The following ZBTB20 variants were observed in gnomAD, a reference collection of about 807,000 sequenced individuals.
ZBTB20 encodes zinc finger and BTB domain-containing protein 20.
ZBTB20 carries 9 observed loss-of-function variants against 56.9 expected under a neutral mutation model. The ratio of observed to expected loss-of-function variants is 0.16; its 90% CI spans 0.10 to 0.28. ZBTB20 has a LOEUF of 0.28. Among genes scored for constraint, ZBTB20 ranks in the 10% least tolerant of loss-of-function variants. ZBTB20 has a pLI of 1.00. For synonymous variants in ZBTB20, 417 were observed against 420.7 expected, an observed-to-expected ratio of 0.99 and a Z score of 0.11; for missense variants, 655 against 1,003.0, an observed-to-expected ratio of 0.65 and a Z score of 4.69.
intron 6 of ZBTB20, among the ~76,000 whole-genome samples, chr3:114,560,637 A>G (rs1023728688): frequency 1.3e-5 from 2 of 152,116 alleles, no homozygotes; most frequent in Non-Finnish European, 2.9e-5. Flanking sequence ...CTTAATTAAA[A>G]ATACTTTATT....
chr3:115,047,075 T>A (rs1400779359), intron 2 of ZBTB20, among the ~76,000 whole-genome samples: 1 of 152,220 alleles, frequency 6.6e-6, no homozygotes, highest in East Asian at 1.9e-4. Flanking sequence ...ATTTTATCAA[T>A]ACTTTCTTCT....
chr3:115,101,633 A>C (rs1348176066), intron 1 of ZBTB20, among the ~76,000 whole-genome samples: 2 of 152,306 alleles, frequency 1.3e-5, no homozygotes, highest in African/African-American at 4.8e-5. Context: ...CAGTTTGGCT[A>C]TGTGTCATTT....
At chr3:114,662,149 A>G (rs1406813862) in intron 6 of ZBTB20, among the ~76,000 whole-genome samples, 3 of 148,850 alleles carry the variant, frequency 2.0e-5, no homozygotes, top group Admixed American at 1.4e-4. Context: ...GTGAGAATAT[A>G]CGGTGTTTGG....
intron 4 of ZBTB20, among the ~76,000 whole-genome samples, chr3:114,868,007 G>A (rs2075836893): frequency 1.3e-5 from 2 of 152,042 alleles, no homozygotes; most frequent in Non-Finnish European, 2.9e-5. Flanking sequence ...GTAACTTCAC[G>A]TAGTCTGTAC....
At chr3:115,122,383 T>C (rs2084208459) in intron 1 of ZBTB20, among the ~76,000 whole-genome samples, 1 of 152,056 alleles carries the variant, frequency 6.6e-6, no homozygotes, top group African/African-American at 2.4e-5. Context: ...GACCGTCTAA[T>C]TCTCTTCTCT....
chr3:114,724,980 T>G (rs2065166945), intron 5 of ZBTB20, among the ~76,000 whole-genome samples: 1 of 152,186 alleles, frequency 6.6e-6, no homozygotes, highest in Non-Finnish European at 1.5e-5. Context: ...TGGGCTCCAA[T>G]CCCAGAGATT....
intron 2 of ZBTB20, among the ~76,000 whole-genome samples, chr3:115,069,466 C>G (rs2082327576): frequency 1.3e-5 from 2 of 152,004 alleles, no homozygotes. Flanking sequence ...ATATCCCAAG[C>G]TTTCTGATAG....
intron 7 of ZBTB20, among the ~76,000 whole-genome samples, chr3:114,475,938 C>G (rs2040704660): frequency 6.6e-6 from 1 of 151,930 alleles, no homozygotes; most frequent in Admixed American, 6.6e-5. Flanking sequence ...GGTAAATAAG[C>G]TGCCTTTATT....
intron 7 of ZBTB20, among the ~76,000 whole-genome samples, chr3:114,462,224 A>T (rs574094922): frequency 2.0e-3 from 307 of 152,284 alleles, no homozygotes; most frequent in African/African-American, 6.9e-3. Flanking sequence ...GCTCCCAGGT[A>T]GTAATACTGA....
Position 114,351,040 on chromosome 3 carries a change from C to G in ZBTB20, c.1038G>C (p.Gln346His). The G allele has an allele frequency of 6.2e-7, 1 of 1,612,212 alleles. No individual in the cohort carries two copies. Among genetic ancestry groups the G allele is most frequent in the Non-Finnish European group, 8.5e-7 (1 of 1,179,956 alleles). ...CCTCGGATTCGTTGCGTTCCAGGAT[C>G]TGCACCCTTTGCTGCCCGTAGTAGT... ...DYDYYGQQRVQILERNESEEC... is the reference protein window; with the variant it reads ...DYDYYGQQRVHILERNESEEC... Residue 346 changes from glutamine to histidine, a missense_variant, in exon 11 of 12, where the codon CAG becomes CAC. By Grantham distance (24) the Gln-to-His change is conservative. This residue lies in a region of ZBTB20 where 156 missense variants were observed against 181.0 expected (regional missense o/e 0.86). Coordinates refer to ENST00000675478, the MANE Select transcript of ZBTB20 (RefSeq NM_001348800.3).
chr3:114,867,482 T>C lies in ZBTB20; in HGVS notation c.-417+32822A>G, dbSNP rs528864296. Among the ~76,000 whole-genome samples the C allele has an allele frequency of 7.9e-5, 12 of 152,306 alleles. 1 individual carries two copies. In the South Asian group the frequency reaches 1.7e-3, roughly 21 times the overall value. On this transcript the variant is annotated intron_variant, in intron 4 of 11. Transcript: ENST00000675478. ...AACCAATTCAGCTCTATCACCCAGG[T>C]TGGAGTGCACTGGCACAATCTCGTC...
intron 6 of ZBTB20, among the ~76,000 whole-genome samples, chr3:114,605,730 G>A (rs965541979): frequency 6.6e-6 from 1 of 152,102 alleles, no homozygotes; most frequent in African/African-American, 2.4e-5. Context: ...TCAATAACAA[G>A]TTTTGAGGAG....
At chr3:114,810,690 G>A (rs1391605166) in intron 4 of ZBTB20, among the ~76,000 whole-genome samples, 1 of 152,098 alleles carries the variant, frequency 6.6e-6, no homozygotes, top group Non-Finnish European at 1.5e-5. Flanking sequence ...AATCTATAGT[G>A]GGCATAAACG....
At chr3:114,444,122 A>G (rs1274949674) in intron 7 of ZBTB20, among the ~76,000 whole-genome samples, 1 of 152,188 alleles carries the variant, frequency 6.6e-6, no homozygotes, top group African/African-American at 2.4e-5. Flanking sequence ...AACCTGTTGA[A>G]TCATCAATGT....
intron 3 of ZBTB20, among the ~76,000 whole-genome samples, chr3:114,967,950 C>CT (rs1417786586): frequency 4.5e-4 from 65 of 143,334 alleles, no homozygotes; most frequent in Admixed American, 4.1e-3. Context: ...CAGCGAGACT[C>CT]TGTCTCAAAA....
chr3:114,860,735 T>G (rs1326297387), intron 4 of ZBTB20, among the ~76,000 whole-genome samples: 1 of 152,232 alleles, frequency 6.6e-6, no homozygotes, highest in African/African-American at 2.4e-5. Context: ...CTTACTGGTG[T>G]GCTTTAACTG....
At chr3:114,824,905 G>C (rs2073443863) in intron 4 of ZBTB20, among the ~76,000 whole-genome samples, 1 of 151,824 alleles carries the variant, frequency 6.6e-6, no homozygotes, top group South Asian at 2.1e-4. Context: ...TAGCTTTATT[G>C]CTAGTAAGAG....
intron 6 of ZBTB20, among the ~76,000 whole-genome samples, chr3:114,671,862 C>G (rs554358547): frequency 3.3e-5 from 5 of 152,174 alleles, no homozygotes; most frequent in Admixed American, 2.6e-4. Flanking sequence ...ACAGTAGTAC[C>G]TACTGAAAAC....
At chr3:115,010,448 A>G (rs1005257530) in intron 2 of ZBTB20, among the ~76,000 whole-genome samples, 2 of 151,918 alleles carry the variant, frequency 1.3e-5, no homozygotes, top group Non-Finnish European at 2.9e-5. Flanking sequence ...TAGAGCAGAG[A>G]AAGAAGGACT....
Sources: allele counts gnomAD v4.1 joint callset (sites outside exome capture counted in the v4.1 genomes callset), GRCh38; gene constraint gnomAD v4.1.1; regional missense constraint gnomAD v4.1.1; transcripts MANE v1.5; gene names NCBI Gene and HGNC (gene_info 2026-07-23, HGNC 2026-07-21).